The following DUSP16 variants were observed in gnomAD, a reference collection of about 807,000 sequenced individuals.
DUSP16 encodes the protein dual specificity phosphatase 16, also known as dual specificity protein phosphatase 16.
In DUSP16, 21 loss-of-function variants were observed where a neutral mutation model predicts 58.3. The ratio of observed to expected loss-of-function variants is 0.36; its 90% confidence interval spans 0.26 to 0.52. The LOEUF (loss-of-function observed/expected upper bound fraction) is 0.52. Among genes scored for constraint, DUSP16 ranks in the 20% least tolerant of loss-of-function variants. The pLI is 0.94. For synonymous variants in DUSP16, 320 were observed against 323.8 expected, an observed-to-expected ratio of 0.99 and a Z score of 0.12; for missense variants, 726 against 819.0, an observed-to-expected ratio of 0.89 and a Z score of 1.39.
intron 1 of DUSP16, among the ~76,000 whole-genome samples, chr12:12,536,136 T>C (rs1396032564): frequency 6.6e-6 from 1 of 152,228 alleles, no homozygotes; most frequent in Admixed American, 6.5e-5. Context: ...TAGTTGCCTA[T>C]GGATGCGCTC....
chr12:12,553,730 G>A (rs554318560), intron 1 of DUSP16, among the ~76,000 whole-genome samples: 1 of 151,840 alleles, frequency 6.6e-6, no homozygotes, highest in South Asian at 2.1e-4. Flanking sequence ...TTTTTGTGGC[G>A]ACAAGGTTTC....
intron 4 of DUSP16, among the ~76,000 whole-genome samples, chr12:12,492,410 C>A (rs1193065179): frequency 6.6e-6 from 1 of 152,148 alleles, no homozygotes. Context: ...ATAATGCCTT[C>A]CCACCTGCTG....
intron 1 of DUSP16, among the ~76,000 whole-genome samples, chr12:12,555,119 A>G (rs1944788444): frequency 6.6e-6 from 1 of 152,272 alleles, no homozygotes; most frequent in Non-Finnish European, 1.5e-5. Context: ...AAGAGCACAC[A>G]GCTCAGCTGC....
At chr12:12,515,152 A>G (rs1030629000) in intron 3 of DUSP16, among the ~76,000 whole-genome samples, 1 of 152,112 alleles carries the variant, frequency 6.6e-6, no homozygotes, top group Admixed American at 6.5e-5. Context: ...TAATTATATA[A>G]GCTTTCCTGA....
At chr12:12,480,675 C>A (rs763636889) in intron 5 of DUSP16, among the ~76,000 whole-genome samples, 3 of 152,170 alleles carry the variant, frequency 2.0e-5, no homozygotes, top group African/African-American at 7.2e-5. Context: ...TGTTATCTGA[C>A]ACTTCAAATT....
intron 1 of DUSP16, among the ~76,000 whole-genome samples, chr12:12,558,590 G>A (rs956665766): frequency 6.6e-5 from 10 of 152,132 alleles, no homozygotes; most frequent in African/African-American, 2.4e-4. Flanking sequence ...TTTGTTGCCA[G>A]GGCTGTTCTC....
At chr12:12,499,373 G>C (rs1943877477) in intron 4 of DUSP16, among the ~76,000 whole-genome samples, 1 of 152,118 alleles carries the variant, frequency 6.6e-6, no homozygotes, top group Admixed American at 6.5e-5. Context: ...CACCAGAAAG[G>C]CTCGGTACAA....
chr12:12,555,493 A>C (rs559823686), intron 1 of DUSP16, among the ~76,000 whole-genome samples: 16 of 152,226 alleles, frequency 1.1e-4, no homozygotes, highest in Non-Finnish European at 1.8e-4. Flanking sequence ...TACAACGCAC[A>C]CTGTAAGTAG....
At chr12:12,534,139 T>C (rs1297720017) in intron 1 of DUSP16, among the ~76,000 whole-genome samples, 2 of 152,204 alleles carry the variant, frequency 1.3e-5, no homozygotes, top group African/African-American at 4.8e-5. Flanking sequence ...AGGAGACCCC[T>C]TTGGGGATTT....
intron 1 of DUSP16, among the ~76,000 whole-genome samples, chr12:12,527,788 A>T (rs148844664): frequency 6.6e-6 from 1 of 152,298 alleles, no homozygotes; most frequent in African/African-American, 2.4e-5. Flanking sequence ...AGATGATACT[A>T]GACCTGGAGA....
chr12:12,556,914 T>G (rs555851044), intron 1 of DUSP16, among the ~76,000 whole-genome samples: 3 of 152,336 alleles, frequency 2.0e-5, no homozygotes, highest in Non-Finnish European at 4.4e-5. Flanking sequence ...CCTAACAGTT[T>G]ATTGTCTGTA....
chr12:12,492,399 TATA>T (rs960035903), intron 4 of DUSP16, among the ~76,000 whole-genome samples: 1 of 152,182 alleles, frequency 6.6e-6, no homozygotes, highest in African/African-American at 2.4e-5. Flanking sequence ...TGCGCCCAGA[TATA>T]ATGCCTTCCC....
At chr12:12,539,757 A>T (rs1302652198) in intron 1 of DUSP16, among the ~76,000 whole-genome samples, 4 of 92,966 alleles carry the variant, frequency 4.3e-5, no homozygotes, top group Admixed American at 1.2e-4. Context: ...TATTTAAAAA[A>T]AAAAAAAAAA....
intron 4 of DUSP16, among the ~76,000 whole-genome samples, chr12:12,498,809 T>G (rs1002571343): frequency 2.6e-5 from 4 of 152,178 alleles, no homozygotes; most frequent in African/African-American, 9.7e-5. Context: ...TATACATCTA[T>G]TTTAGGGGTG....
At chr12:12,559,881 T>G (rs1180836844) in intron 1 of DUSP16, among the ~76,000 whole-genome samples, 1 of 152,042 alleles carries the variant, frequency 6.6e-6, no homozygotes. Flanking sequence ...CAGCCTCACT[T>G]CCACTCTCAA....
At chr12:12,493,674 C>T (rs1331830414) in intron 4 of DUSP16, among the ~76,000 whole-genome samples, 1 of 152,176 alleles carries the variant, frequency 6.6e-6, no homozygotes, top group Non-Finnish European at 1.5e-5. Flanking sequence ...ATGTGCTTTG[C>T]CTTGGTGGCT....
At chr12:12,491,716 C>T (rs552336042) in intron 4 of DUSP16, 1 of 152,340 alleles carries the variant, frequency 6.6e-6, no homozygotes, top group South Asian at 2.1e-4. Context: ...ACCTTGGCCT[C>T]ACAGTTCTTT....
intron 1 of DUSP16, among the ~76,000 whole-genome samples, chr12:12,524,372 G>T (rs1331033111): frequency 6.6e-6 from 1 of 152,152 alleles, no homozygotes; most frequent in African/African-American, 2.4e-5. Context: ...CATGCCCAAG[G>T]TCTAATTCTC....
chr12:12,548,907 C>G (rs1944687722), intron 1 of DUSP16, among the ~76,000 whole-genome samples: 1 of 152,078 alleles, frequency 6.6e-6, no homozygotes, highest in African/African-American at 2.4e-5. Flanking sequence ...CACTTCTAAT[C>G]ATGATCATGA....
Sources: allele counts gnomAD v4.1 joint callset (sites outside exome capture counted in the v4.1 genomes callset), GRCh38; gene constraint gnomAD v4.1.1; transcripts MANE v1.5; gene names NCBI Gene and HGNC (gene_info 2026-07-23, HGNC 2026-07-21).